The following NHSL2 variants were observed in gnomAD, a reference collection of about 807,000 sequenced individuals.
NHSL2 encodes the protein NHS-like protein 2.
In NHSL2, 27 loss-of-function variants were observed where a neutral mutation model predicts 53.4. The observed-to-expected ratio is 0.51, with a 90% confidence interval of 0.37 to 0.70. The LOEUF (loss-of-function observed/expected upper bound fraction) is 0.70, where lower values mean the gene tolerates loss of function less well. NHSL2 is among the 30% of genes least tolerant of loss of function. The pLI, the probability that NHSL2 is intolerant of heterozygous loss-of-function variation, is 0.00. For missense variants in NHSL2, 892 were observed against 980.1 expected, an observed-to-expected ratio of 0.91 and a Z score of 1.20; for synonymous variants, 408 against 404.1, an observed-to-expected ratio of 1.01 and a Z score of -0.12.
chrX:72,151,223 A>G lies in NHSL2; in HGVS notation c.*7649A>G, dbSNP rs1480661769. 4 of 106,916 alleles carry G rather than the reference A, an allele frequency of 3.7e-5. No individual in the cohort carries two copies. Among genetic ancestry groups the G allele is most frequent in the African/African-American group, 1.4e-4 (4 of 28,959 alleles). The allele number at this position is 106,916 out of a possible 1,213,427, so 8.8% of individuals were successfully genotyped here. A position where few individuals can be genotyped will look rare whatever the true frequency, so the allele number is the denominator to read the frequency against. On this transcript the variant is annotated 3_prime_UTR_variant, in exon 8 of 8. Coordinates refer to ENST00000633930, the MANE Select transcript of NHSL2 (RefSeq NM_001013627.3). Reference sequence around the variant, plus strand: ...GTATTTTTAGTAGAGGCAGAGTTTCACCATGTTGGCCAGGATGTTCTCGAT... The same window carrying G: ...GTATTTTTAGTAGAGGCAGAGTTTCGCCATGTTGGCCAGGATGTTCTCGAT...
At chrX:72,001,668 C>T (rs7055300) in intron 1 of NHSL2, among the ~76,000 whole-genome samples, 11,006 of 111,196 alleles carry the variant, frequency 0.099, 609 homozygotes, top group African/African-American at 0.18. Flanking sequence ...CAGCCAGACC[C>T]ATCTCTTCAC....
intron 1 of NHSL2, chrX:72,131,490 G>A: frequency 8.3e-7 from 1 of 1,203,218 alleles, no homozygotes; most frequent in Non-Finnish European, 1.1e-6. Context: ...CTTCGCGCAG[G>A]GCCACATTCG....
At position 72,151,661 on chromosome X, in the gene NHSL2, G is replaced by T. The variant is rs2042514717; in HGVS notation, c.*8087G>T. The T allele has an allele frequency of 9.0e-6, 1 of 111,590 alleles. No individual in the cohort carries two copies. The highest frequency in any genetic ancestry group is 3.3e-5 in the African/African-American group (1 of 30,675). 9.2% of individuals were successfully genotyped at this position (111,590 alleles called of 1,213,427 possible). A position where few individuals can be genotyped will look rare whatever the true frequency, so the allele number is the denominator to read the frequency against. On this transcript the variant is annotated 3_prime_UTR_variant, in exon 8 of 8. Coordinates refer to ENST00000633930, the MANE Select transcript of NHSL2 (RefSeq NM_001013627.3). ...TACCCAATGTGCCTCTGCTTCCCTGGGTTTGGGATAAACTGGAAGGAGAGA... is the reference window on the plus strand; with the variant it reads ...TACCCAATGTGCCTCTGCTTCCCTGTGTTTGGGATAAACTGGAAGGAGAGA...
intron 1 of NHSL2, among the ~76,000 whole-genome samples, chrX:71,914,114 C>A (rs183691687): frequency 2.0e-4 from 23 of 112,264 alleles, no homozygotes; most frequent in Non-Finnish European, 1.3e-4. Context: ...CACAGGACTG[C>A]CGAAGGCCCC....
At chrX:72,002,178 G>A (rs918976736) in intron 1 of NHSL2, among the ~76,000 whole-genome samples, 2 of 111,652 alleles carry the variant, frequency 1.8e-5, no homozygotes, top group African/African-American at 6.5e-5. Flanking sequence ...TTTAGATGGA[G>A]TATGTGCTCT....
At chrX:71,951,846 C>G (rs997201170) in intron 1 of NHSL2, among the ~76,000 whole-genome samples, 5 of 112,202 alleles carry the variant, frequency 4.5e-5, no homozygotes, top group Non-Finnish European at 9.4e-5. Context: ...TCTCTATACT[C>G]TCTGCCCCTC....
chrX:72,131,868 A>C, intron 1 of NHSL2: 1 of 317,681 alleles, frequency 3.1e-6, no homozygotes, highest in Non-Finnish European at 5.3e-6. Flanking sequence ...GCGGGCGGGC[A>C]GGGGCGAGCG....
chrX:72,140,282 C>T lies in NHSL2; in HGVS notation c.2734C>T (p.His912Tyr), dbSNP rs148288342. 136 of 1,208,333 alleles carry T rather than the reference C, an allele frequency of 1.1e-4. No individual in the cohort carries two copies. In the African/African-American group the frequency reaches 2.1e-3, roughly 19 times the overall value. ...TATGCCCCCCAGGAGCTCAATTCAA[C>T]ATGCGAGACCACTCCCTCAAGACAG... ...LAMPPRSSIQHARPLPQDSYT... is the reference protein window; with the variant it reads ...LAMPPRSSIQYARPLPQDSYT... Residue 912 changes from histidine (H) to tyrosine (Y), a missense_variant, in exon 6 of 8, where the codon CAT becomes TAT. Transcript: ENST00000633930.
intron 1 of NHSL2, among the ~76,000 whole-genome samples, chrX:72,023,304 G>T: frequency 8.9e-6 from 1 of 112,931 alleles, no homozygotes; most frequent in Middle Eastern, 4.6e-3. Context: ...CCTATGCCTA[G>T]AACAGATAAG....
At chrX:72,016,465 T>C (rs987467859) in intron 1 of NHSL2, among the ~76,000 whole-genome samples, 1 of 112,421 alleles carries the variant, frequency 8.9e-6, no homozygotes, top group Non-Finnish European at 1.9e-5. Flanking sequence ...CTTTTTCACA[T>C]GGATTTTAGA....
chrX:72,059,269 G>A (rs2042386734), intron 1 of NHSL2, among the ~76,000 whole-genome samples: 1 of 110,576 alleles, frequency 9.0e-6, no homozygotes, highest in Non-Finnish European at 1.9e-5. Context: ...TCTCATCTGG[G>A]CCCCTTCCAG....
intron 1 of NHSL2, among the ~76,000 whole-genome samples, chrX:71,913,137 A>G (rs760424927): frequency 1.0e-3 from 113 of 111,829 alleles, no homozygotes; most frequent in Non-Finnish European, 1.1e-3. Flanking sequence ...GAGAATGTAC[A>G]TGTCCCACGG....
chrX:71,928,217 T>G (rs1341303767), intron 1 of NHSL2, among the ~76,000 whole-genome samples: 1 of 112,067 alleles, frequency 8.9e-6, no homozygotes, highest in Admixed American at 9.4e-5. Flanking sequence ...GAGCCAGGAT[T>G]TGACCCTGGG....
chrX:72,009,427 G>C (rs1441003684), intron 1 of NHSL2, among the ~76,000 whole-genome samples: 1 of 112,877 alleles, frequency 8.9e-6, no homozygotes, highest in Non-Finnish European at 1.9e-5. Context: ...CAGCCTACCA[G>C]GGTACAAGCT....
chrX:72,082,614 C>T (rs763009914), intron 1 of NHSL2, among the ~76,000 whole-genome samples: 1 of 112,334 alleles, frequency 8.9e-6, no homozygotes, highest in East Asian at 2.8e-4. Context: ...GGATTGAACC[C>T]AGGCCCATCA....
intron 1 of NHSL2, chrX:72,129,721 C>T: frequency 1.3e-6 from 1 of 765,013 alleles, no homozygotes; most frequent in African/African-American, 2.1e-5. Context: ...TTCTGCAGGT[C>T]TGAAACTCCC....
intron 1 of NHSL2, among the ~76,000 whole-genome samples, chrX:72,039,631 G>A (rs1001258396): frequency 4.5e-5 from 5 of 111,856 alleles, no homozygotes; most frequent in Admixed American, 9.4e-5. Flanking sequence ...GGTCAGCTGC[G>A]TCCTGTGTGG....
intron 1 of NHSL2, among the ~76,000 whole-genome samples, chrX:72,115,123 G>T (rs1321339216): frequency 1.8e-5 from 2 of 111,364 alleles, no homozygotes; most frequent in Admixed American, 9.5e-5. Flanking sequence ...TCAAAGCCAG[G>T]TCTGTCCAAC....
At chrX:71,979,845 G>T (rs2041966963) in intron 1 of NHSL2, among the ~76,000 whole-genome samples, 1 of 110,861 alleles carries the variant, frequency 9.0e-6, no homozygotes, top group South Asian at 3.8e-4. Flanking sequence ...CCATGCCTAT[G>T]TCCTGAATGG....
Sources: allele counts gnomAD v4.1 joint callset (sites outside exome capture counted in the v4.1 genomes callset), GRCh38; gene constraint gnomAD v4.1.1; transcripts MANE v1.5; gene names NCBI Gene and HGNC (gene_info 2026-07-23, HGNC 2026-07-21).